The following DOCK10 variants were observed in gnomAD, a reference collection of about 807,000 sequenced individuals.
The protein encoded by DOCK10 is dedicator of cytokinesis protein 10.
Under a neutral mutation model 280.1 loss-of-function variants are expected in DOCK10, and 145 were observed. The observed-to-expected ratio is 0.52, with a 90% CI of 0.45 to 0.59. The LOEUF (loss-of-function observed/expected upper bound fraction) is 0.59. Ranked by LOEUF, DOCK10 falls within the 20% of genes least tolerant of loss-of-function variation. The pLI is 0.00. For synonymous variants in DOCK10, 915 were observed against 942.2 expected (o/e 0.97, Z 0.53); for missense variants, 2,368 against 2,651.7 (o/e 0.89, Z 2.35).
In DOCK10 at chr2:224,970,502, C is replaced by T. The variant is rs548174312; in HGVS notation, c.124-38834G>A. ...TGTTTCTGTTCTAGCACGACATTTC[C>T]GGATTCAGACTTCTGCAACATGACA... On this transcript the variant is annotated intron_variant, in intron 1 of 55. Coordinates refer to ENST00000258390, the MANE Select transcript of DOCK10 (RefSeq NM_014689.3). This position sits in a 1 kb window ranked among gnomAD's most constrained non-coding sequence, Gnocchi z 4.6. 3.9e-5 allele frequency among the ~76,000 whole-genome samples: 6 copies of T among 152,290 alleles called. No homozygotes were observed. Among genetic ancestry groups the T allele is most frequent in the African/African-American group, 1.2e-4 (5 of 41,556 alleles).
In DOCK10 at chr2:224,765,851, A is replaced by C; in HGVS notation, c.6445-14T>G. ...CCTGCCCGTAATCTTAAAACAGGGA[A>C]AAACACAACACAACAGAATGCAGAG... On this transcript the variant is annotated splice_polypyrimidine_tract_variant and intron_variant, in intron 55 of 55. Transcript: ENST00000258390. 1.3e-6 allele frequency: 2 copies of C among 1,593,730 alleles called. No individual in the cohort carries two copies. Among genetic ancestry groups the C allele is most frequent in the Non-Finnish European group, 1.7e-6 (2 of 1,162,518 alleles).
chr2:224,881,308 T>A (rs953276151), intron 7 of DOCK10, among the ~76,000 whole-genome samples: 2 of 152,222 alleles, frequency 1.3e-5, no homozygotes, highest in African/African-American at 2.4e-5. Context: ...TTTGAAGACA[T>A]GAGCCACACC....
At chr2:224,818,096 T>C (rs1042783942) in intron 29 of DOCK10, among the ~76,000 whole-genome samples, 5 of 152,134 alleles carry the variant, frequency 3.3e-5, no homozygotes, top group African/African-American at 7.2e-5. Flanking sequence ...GAAAATGGCT[T>C]CAGTTGATTC....
intron 50 of DOCK10, among the ~76,000 whole-genome samples, chr2:224,784,155 A>C (rs1322051054): frequency 6.6e-6 from 1 of 152,108 alleles, no homozygotes; most frequent in African/African-American, 2.4e-5. Flanking sequence ...ATATTGGGTA[A>C]AGATTTATTC....
chr2:224,973,611 G>C (rs770926857), intron 1 of DOCK10, among the ~76,000 whole-genome samples: 1 of 151,994 alleles, frequency 6.6e-6, no homozygotes, highest in Non-Finnish European at 1.5e-5. Flanking sequence ...AGTGAGATCC[G>C]TTTCAGATTT....
intron 1 of DOCK10, chr2:224,946,763 G>T: frequency 2.8e-6 from 3 of 1,053,552 alleles, no homozygotes; most frequent in Non-Finnish European, 4.0e-6. Flanking sequence ...GCCTCTGCTA[G>T]AATACCACTG....
chr2:224,773,781 G>A (rs549112673), intron 52 of DOCK10, among the ~76,000 whole-genome samples: 7 of 152,016 alleles, frequency 4.6e-5, no homozygotes, highest in South Asian at 4.2e-4. Context: ...ACAGGTGTGC[G>A]CCACCATGCT....
intron 31 of DOCK10, among the ~76,000 whole-genome samples, chr2:224,811,170 C>T (rs1283131607): frequency 1.1e-4 from 16 of 152,228 alleles, no homozygotes; most frequent in Admixed American, 3.9e-4. Flanking sequence ...TTTTAATGAT[C>T]GCCATTCTAG....
intron 3 of DOCK10, among the ~76,000 whole-genome samples, chr2:224,899,819 A>T (rs924390155): frequency 2.6e-5 from 4 of 152,254 alleles, no homozygotes; most frequent in African/African-American, 9.6e-5. Context: ...TCTTTGATAA[A>T]AATAGAAAAT....
chr2:224,839,983 C>T lies in DOCK10; in HGVS notation c.2751G>A (p.Glu917=). The T allele has an allele frequency of 2.6e-6, 4 of 1,550,696 alleles. No homozygotes were observed. Among genetic ancestry groups the T allele is most frequent in the Non-Finnish European group, 3.5e-6 (4 of 1,141,654 alleles). ...TGACAGTTGTAGTTATTTCATCTTC[C>T]TCATTCTGTACCAGAACTTTGAAGA... is the stretch of plus-strand genomic sequence containing the variant. ...NQLFKVLVQN[E]EDEITTTVTR... The change falls in exon 24 of 56, where the codon GAG becomes GAA. Residue 917 remains glutamate (E), a synonymous_variant. Transcript: ENST00000258390.
chr2:224,860,105 G>A (rs1430466319), intron 14 of DOCK10, among the ~76,000 whole-genome samples: 2 of 152,178 alleles, frequency 1.3e-5, no homozygotes, highest in Non-Finnish European at 2.9e-5. Flanking sequence ...TATGGTCTAA[G>A]CTTGTGGTTT....
chr2:224,920,994 C>T (rs528082388), intron 2 of DOCK10, among the ~76,000 whole-genome samples: 31 of 148,424 alleles, frequency 2.1e-4, no homozygotes, highest in African/African-American at 7.8e-4. Context: ...GTGGCTCATG[C>T]CTGTAATCCC....
chr2:225,000,053 G>A (rs189489007), intron 1 of DOCK10, among the ~76,000 whole-genome samples: 1 of 152,222 alleles, frequency 6.6e-6, no homozygotes, highest in East Asian at 1.9e-4. Flanking sequence ...TATATCCAAA[G>A]GGAAGAGATG....
chr2:224,917,515 G>C (rs1052454172), intron 2 of DOCK10, among the ~76,000 whole-genome samples: 12 of 152,014 alleles, frequency 7.9e-5, no homozygotes, highest in African/African-American at 2.9e-4. Context: ...AGCTAACTGT[G>C]CGTGTGTGCG....
intron 14 of DOCK10, among the ~76,000 whole-genome samples, chr2:224,858,147 T>C (rs1373998992): frequency 6.6e-6 from 1 of 152,216 alleles, no homozygotes; most frequent in African/African-American, 2.4e-5. Context: ...ATTCCCAATA[T>C]GAAAGGAAGT....
intron 3 of DOCK10, among the ~76,000 whole-genome samples, chr2:224,915,429 T>C (rs1416369690): frequency 1.3e-5 from 2 of 152,160 alleles, no homozygotes; most frequent in East Asian, 3.8e-4. Context: ...TAAAAGGTAT[T>C]GTAATGCAAT....
intron 2 of DOCK10, among the ~76,000 whole-genome samples, chr2:224,923,161 G>T (rs1156782184): frequency 8.5e-5 from 13 of 152,078 alleles, no homozygotes; most frequent in Admixed American, 7.9e-4. Flanking sequence ...TTCTTGTTTT[G>T]CTGGGGTTGA....
intron 31 of DOCK10, among the ~76,000 whole-genome samples, chr2:224,808,336 C>T (rs75398064): frequency 0.032 from 4,800 of 152,172 alleles, 124 homozygotes; most frequent in Non-Finnish European, 0.046. Context: ...TCCATAATAA[C>T]AGCATATTTA....
intron 3 of DOCK10, among the ~76,000 whole-genome samples, chr2:224,915,159 G>A (rs2125929316): frequency 6.6e-6 from 1 of 152,292 alleles, no homozygotes; most frequent in Non-Finnish European, 1.5e-5. Flanking sequence ...TTATAAAAAT[G>A]TCAAATCCTG....
Sources: allele counts gnomAD v4.1 joint callset (sites outside exome capture counted in the v4.1 genomes callset), GRCh38; gene constraint gnomAD v4.1.1; non-coding constraint Gnocchi (gnomAD v3.1); transcripts MANE v1.5; gene names NCBI Gene and HGNC (gene_info 2026-07-23, HGNC 2026-07-21).